Variants in DNM3 observed in about 807,000 individuals in gnomAD.
DNM3 encodes the protein dynamin 3, also known as dynamin-3.
Under a neutral mutation model 101.6 loss-of-function variants are expected in DNM3, and 47 were observed. The ratio of observed to expected loss-of-function variants is 0.46; its 90% CI spans 0.37 to 0.59. The LOEUF is 0.59. DNM3 is among the 20% of genes least tolerant of loss of function. The pLI is 0.00. For missense variants in DNM3, 849 were observed against 1,085.7 expected (o/e 0.78, Z 3.06); for synonymous variants, 385 against 387.9 (o/e 0.99, Z 0.09).
At chr1:172,116,811 T>A (rs182661930) in intron 13 of DNM3, among the ~76,000 whole-genome samples, 1 of 152,316 alleles carries the variant, frequency 6.6e-6, no homozygotes, top group Non-Finnish European at 1.5e-5. Flanking sequence ...ATTTCATAAC[T>A]TTTTTAGTCA....
At chr1:172,314,785 T>C (rs1242899502) in intron 16 of DNM3, among the ~76,000 whole-genome samples, 1 of 152,198 alleles carries the variant, frequency 6.6e-6, no homozygotes, top group African/African-American at 2.4e-5. Context: ...CCTGCCTGCC[T>C]CTGTAGGCTC....
rs2071246476 is a variant in DNM3 at position 172,412,148 on chromosome 1, G to A, written c.*4307G>A. On this transcript the variant is annotated 3_prime_UTR_variant, in exon 21 of 21. Transcript: ENST00000627582. ...GTTTGTCTTAAGACCTGTTCATACT[G>A]GTATATTGGTGAGACTTCTCACTTC... 1 of 985,616 alleles carries A rather than the reference G, an allele frequency of 1.0e-6. No individual in the cohort carries two copies. The highest frequency in any genetic ancestry group is 1.7e-5 in the African/African-American group (1 of 57,186). 61.1% of individuals were successfully genotyped at this position (985,616 alleles called of 1,614,324 possible).
intron 14 of DNM3, among the ~76,000 whole-genome samples, chr1:172,208,949 A>G (rs2060417088): frequency 1.3e-5 from 2 of 152,092 alleles, no homozygotes; most frequent in South Asian, 2.1e-4. Context: ...GTAGAAAGGA[A>G]GCGACTGGTG....
rs543579231 is a variant in DNM3 at position 172,411,405 on chromosome 1, C to T, written c.*3564C>T. 19 of 984,870 alleles carry T rather than the reference C, an allele frequency of 1.9e-5. No individual in the cohort carries two copies. In the Admixed American group the frequency reaches 4.3e-4, roughly 22 times the overall value. The allele number at this position is 984,870 out of a possible 1,614,324, so 61.0% of individuals were successfully genotyped here. A position where few individuals can be genotyped will look rare whatever the true frequency, so the allele number is the denominator to read the frequency against. ...AGGAATTACCTTTGACAATATTTTT[C>T]GGTAAGAAGTAAAACCTCTGGAGAC... On this transcript the variant is annotated 3_prime_UTR_variant, in exon 21 of 21. Transcript: ENST00000627582.
At chr1:172,373,740 C>T (rs1020491629) in intron 17 of DNM3, among the ~76,000 whole-genome samples, 1 of 151,842 alleles carries the variant, frequency 6.6e-6, no homozygotes, top group African/African-American at 2.4e-5. Context: ...AGGCAACATA[C>T]ACACATTCAA....
At chr1:172,324,688 T>C (rs2065869545) in intron 17 of DNM3, among the ~76,000 whole-genome samples, 1 of 152,126 alleles carries the variant, frequency 6.6e-6, no homozygotes, top group African/African-American at 2.4e-5. Flanking sequence ...TTGGAAAAAA[T>C]ATAAAAACCA....
In DNM3 at chr1:171,944,798, C is replaced by G. The variant is rs141604647; in HGVS notation, c.235+22977C>G. 4.6e-3 allele frequency among the ~76,000 whole-genome samples: 583 copies of G among 125,586 alleles called. 2 individuals carry two copies. The highest frequency in any genetic ancestry group is 7.4e-3 in the Non-Finnish European group (446 of 60,628). The allele number at this position is 125,586 out of a possible 152,430, so 82.4% of individuals were successfully genotyped here. ...TTGTACAATATTGGAAATAAGTTGT[C>G]TTGGTGTGAGTTCATATTAAAGTGT... On this transcript the variant is annotated intron_variant, in intron 2 of 20. Transcript: ENST00000627582.
At chr1:171,915,846 G>C (rs2145380) in intron 1 of DNM3, among the ~76,000 whole-genome samples, 98,056 of 152,006 alleles carry the variant, frequency 0.65, 31,721 homozygotes, top group Middle Eastern at 0.69. Flanking sequence ...CTGGTAGCTC[G>C]TTTCTATTCT....
chr1:171,942,017 C>T (rs148062092), intron 2 of DNM3, among the ~76,000 whole-genome samples: 1,860 of 151,910 alleles, frequency 0.012, 28 homozygotes, highest in Middle Eastern at 0.027. Context: ...TTTGCATTTT[C>T]GGTTATAAAA....
At chr1:171,867,105 C>T (rs754288087) in intron 1 of DNM3, among the ~76,000 whole-genome samples, 99 of 152,292 alleles carry the variant, frequency 6.5e-4, no homozygotes, top group Non-Finnish European at 6.9e-4. Context: ...CTCCACACAG[C>T]ATGTAGAGAA....
At chr1:172,333,240 T>TAAG (rs1558008202) in intron 17 of DNM3, among the ~76,000 whole-genome samples, 1 of 152,182 alleles carries the variant, frequency 6.6e-6, no homozygotes, top group Non-Finnish European at 1.5e-5. Flanking sequence ...TGAAATCTAA[T>TAAG]AAGTTAAGAC....
intron 15 of DNM3, among the ~76,000 whole-genome samples, chr1:172,257,372 T>C (rs2062448998): frequency 7.2e-5 from 11 of 152,138 alleles, no homozygotes; most frequent in Admixed American, 5.9e-4. Flanking sequence ...AAGGTCGCTT[T>C]GTGATTGTGA....
intron 1 of DNM3, among the ~76,000 whole-genome samples, chr1:171,890,124 A>G (rs1350165071): frequency 1.3e-5 from 2 of 152,226 alleles, no homozygotes; most frequent in Non-Finnish European, 2.9e-5. Flanking sequence ...TATTTAGAGT[A>G]TGATGAATGA....
intron 15 of DNM3, among the ~76,000 whole-genome samples, chr1:172,274,162 C>T (rs2063188788): frequency 6.6e-6 from 1 of 152,146 alleles, no homozygotes; most frequent in East Asian, 1.9e-4. Flanking sequence ...AGCCATGTCA[C>T]TCAGTCCCCT....
intron 20 of DNM3, among the ~76,000 whole-genome samples, chr1:172,389,983 A>G (rs1336818401): frequency 2.0e-5 from 3 of 152,200 alleles, no homozygotes; most frequent in African/African-American, 4.8e-5. Flanking sequence ...TCTATGAAAC[A>G]GGGAGAACTC....
At chr1:171,896,999 G>T (rs1214981960) in intron 1 of DNM3, among the ~76,000 whole-genome samples, 1 of 151,936 alleles carries the variant, frequency 6.6e-6, no homozygotes, top group Non-Finnish European at 1.5e-5. Flanking sequence ...AAGTCTTTTG[G>T]ACCATCTTAA....
Position 172,410,072 on chromosome 1 carries a change from G to A in DNM3, c.*2231G>A. 1.0e-6 allele frequency: 1 copy of A among 985,300 alleles called. No individual in the cohort carries two copies. Among genetic ancestry groups the A allele is most frequent in the Non-Finnish European group, 1.2e-6 (1 of 829,850 alleles). 61.0% of individuals were successfully genotyped at this position (985,300 alleles called of 1,614,324 possible). Reference sequence around the variant, plus strand: ...CTGCCCCAATTGTCTACCTTTGTGGGTACATTTTTGTTCTTTACTCCTAAG... The same window carrying A: ...CTGCCCCAATTGTCTACCTTTGTGGATACATTTTTGTTCTTTACTCCTAAG... On this transcript the variant is annotated 3_prime_UTR_variant, in exon 21 of 21. Transcript: ENST00000627582.
chr1:171,947,196 G>A (rs1369182253), intron 2 of DNM3, among the ~76,000 whole-genome samples: 1 of 152,146 alleles, frequency 6.6e-6, no homozygotes, highest in Non-Finnish European at 1.5e-5. Flanking sequence ...TCCTTTAATG[G>A]CAGCATGGTG....
chr1:171,844,836 C>A (rs1432984745), intron 1 of DNM3, among the ~76,000 whole-genome samples: 1 of 152,120 alleles, frequency 6.6e-6, no homozygotes, highest in African/African-American at 2.4e-5. Flanking sequence ...GATTTGTATA[C>A]AGAAGAATTG....
Sources: allele counts gnomAD v4.1 joint callset (sites outside exome capture counted in the v4.1 genomes callset), GRCh38; gene constraint gnomAD v4.1.1; transcripts MANE v1.5; gene names NCBI Gene and HGNC (gene_info 2026-07-23, HGNC 2026-07-21).